The following TENM3 variants were observed in gnomAD, a reference collection of about 807,000 sequenced individuals.
TENM3 encodes teneurin-3.
A neutral mutation model predicts 255.1 loss-of-function variants in TENM3; 63 were observed. That is an observed-to-expected ratio of 0.25 (90% CI 0.20 to 0.30). The LOEUF (loss-of-function observed/expected upper bound fraction) is 0.30. Ranked by LOEUF, TENM3 falls within the 10% of genes least tolerant of loss-of-function variation. The probability of loss-of-function intolerance (pLI) is 1.00; values close to 1 mark genes in which losing one functional copy is unlikely to be tolerated. For synonymous variants in TENM3, 1,306 were observed against 1,322.3 expected (o/e 0.99, Z 0.27); for missense variants, 2,929 against 3,461.1 (o/e 0.85, Z 3.86).
chr4:182,331,804 G>T (rs1249923476), intron 2 of TENM3, among the ~76,000 whole-genome samples: 1 of 152,104 alleles, frequency 6.6e-6, no homozygotes, highest in Admixed American at 6.5e-5. Flanking sequence ...CTGTGCAGAA[G>T]AAGAACATTC....
At chr4:181,594,928 A>T in the TENM3 span, among the ~76,000 whole-genome samples, 1 of 152,072 alleles carries the variant, frequency 6.6e-6, no homozygotes, top group Admixed American at 6.6e-5. Flanking sequence ...ACATGGCAAA[A>T]TTTGATTCCT....
At chr4:182,029,248 G>A in the TENM3 span, among the ~76,000 whole-genome samples, 266 of 152,046 alleles carry the variant, frequency 1.7e-3, 1 homozygote, top group Non-Finnish European at 3.1e-4. Context: ...TCTCATGAAT[G>A]GTTTAACATT....
the TENM3 span, among the ~76,000 whole-genome samples, chr4:181,863,098 A>G: frequency 3.9e-5 from 6 of 152,194 alleles, no homozygotes; most frequent in African/African-American, 7.2e-5. Flanking sequence ...CTTAACTTTT[A>G]TAAGTGCTAC....
intron 1 of TENM3, among the ~76,000 whole-genome samples, chr4:182,313,854 T>C (rs1307986015): frequency 1.3e-5 from 2 of 152,148 alleles, no homozygotes; most frequent in Non-Finnish European, 2.9e-5. Context: ...ATGCCACCTC[T>C]AACTATCTCT....
the TENM3 span, among the ~76,000 whole-genome samples, chr4:181,471,789 T>C: frequency 2.6e-5 from 4 of 152,200 alleles, no homozygotes; most frequent in Non-Finnish European, 5.9e-5. Flanking sequence ...GAAAAGAGCA[T>C]AACAAATGTA....
intron 3 of TENM3, among the ~76,000 whole-genome samples, chr4:182,364,372 T>A (rs1218405096): frequency 6.6e-6 from 1 of 152,168 alleles, no homozygotes; most frequent in East Asian, 1.9e-4. Context: ...TGTATATTTT[T>A]AAAAAAATAA....
the TENM3 span, among the ~76,000 whole-genome samples, chr4:181,953,202 C>T: frequency 6.6e-6 from 1 of 152,046 alleles, no homozygotes; most frequent in African/African-American, 2.4e-5. Flanking sequence ...CTCAATATAA[C>T]TCCATGAAGT....
At chr4:181,556,572 TACA>T in the TENM3 span, among the ~76,000 whole-genome samples, 1 of 152,176 alleles carries the variant, frequency 6.6e-6, no homozygotes, top group Non-Finnish European at 1.5e-5. Context: ...TTTTTTCTAT[TACA>T]ACTAGTTTTT....
At chr4:181,978,655 AAAAAG>A in the TENM3 span, among the ~76,000 whole-genome samples, 6 of 151,138 alleles carry the variant, frequency 4.0e-5, no homozygotes, top group Non-Finnish European at 8.9e-5. Flanking sequence ...CAAAAAAAAA[AAAAAG>A]AAAAGAAAAG....
chr4:181,720,819 G>A, the TENM3 span, among the ~76,000 whole-genome samples: 9 of 152,160 alleles, frequency 5.9e-5, no homozygotes, highest in East Asian at 1.2e-3. Flanking sequence ...AAATGAGGTC[G>A]GACCATAAAG....
the TENM3 span, among the ~76,000 whole-genome samples, chr4:181,636,805 G>A: frequency 1.3e-5 from 2 of 152,296 alleles, no homozygotes; most frequent in South Asian, 4.1e-4. Flanking sequence ...AACGGATCAT[G>A]TCACTGCTCT....
In TENM3 at chr4:182,800,377, C is replaced by G. The variant is rs942988948; in HGVS notation, c.*26C>G. The G allele has an allele frequency of 6.5e-7, 1 of 1,537,506 alleles. No individual in the cohort carries two copies. The highest frequency in any genetic ancestry group is 2.4e-5 in the East Asian group (1 of 41,368). On this transcript the variant is annotated 3_prime_UTR_variant, in exon 28 of 28. Transcript: ENST00000511685. ...CGCCCGGGCCGCGCCCGCCGAGCCG[C>G]TCACGCCCTGCCCACATTGTCCTGT...
chr4:181,724,159 C>T, the TENM3 span, among the ~76,000 whole-genome samples: 1 of 152,178 alleles, frequency 6.6e-6, no homozygotes, highest in Admixed American at 6.5e-5. Context: ...CTTAGAGAAC[C>T]CACAAAAGAA....
chr4:181,788,746 C>T, the TENM3 span, among the ~76,000 whole-genome samples: 2 of 152,170 alleles, frequency 1.3e-5, no homozygotes, highest in Non-Finnish European at 2.9e-5. Context: ...TACAGGCACA[C>T]AGCACCATGC....
chr4:181,588,803 G>A, the TENM3 span, among the ~76,000 whole-genome samples: 7 of 152,166 alleles, frequency 4.6e-5, no homozygotes, highest in Non-Finnish European at 5.9e-5. Context: ...CCAAATGTCT[G>A]TAGGGTATTA....
the TENM3 span, among the ~76,000 whole-genome samples, chr4:181,575,342 A>G: frequency 2.0e-5 from 3 of 152,144 alleles, no homozygotes; most frequent in Non-Finnish European, 4.4e-5. Flanking sequence ...TCCATGGTAT[A>G]CCAATAGGTT....
At position 182,445,229 on chromosome 4, in the gene TENM3, G is replaced by A. The variant is rs78625564; in HGVS notation, c.511+98300G>A. ...TTAGGCCCAAGCACTCTGTAACTAT[G>A]TGGGCACATGATTAACTTCTCTAAG... On this transcript the variant is annotated intron_variant, in intron 3 of 27. Coordinates refer to ENST00000511685, the MANE Select transcript of TENM3 (RefSeq NM_001080477.4). 4.0e-3 allele frequency among the ~76,000 whole-genome samples: 607 copies of A among 152,282 alleles called. 3 individuals carry two copies. Among genetic ancestry groups the A allele is most frequent in the African/African-American group, 0.014 (566 of 41,542 alleles).
chr4:181,641,720 T>G, the TENM3 span, among the ~76,000 whole-genome samples: 2 of 124,474 alleles, frequency 1.6e-5, no homozygotes, highest in African/African-American at 6.1e-5. Context: ...ATATATTATA[T>G]GTATAATAAA....
chr4:181,603,691 G>A, the TENM3 span, among the ~76,000 whole-genome samples: 2 of 152,224 alleles, frequency 1.3e-5, no homozygotes, highest in Non-Finnish European at 2.9e-5. Flanking sequence ...TATAGAAGCT[G>A]CTTTGATAAG....
Sources: gnomAD v4.1 joint callset for allele counts (sites outside exome capture counted in the v4.1 genomes callset) on GRCh38, gnomAD v4.1.1 for gene constraint, MANE v1.5 for transcripts, NCBI Gene and HGNC (gene_info 2026-07-23, HGNC 2026-07-21) for gene names.